GNAO1: variants seen among roughly 807,000 people sequenced by gnomAD.
The protein encoded by GNAO1 is G protein subunit alpha o1.
For missense variants in GNAO1, 166 were observed against 478.7 expected, an observed-to-expected ratio of 0.35 and a Z score of 6.10; for synonymous variants, 164 against 180.7, an observed-to-expected ratio of 0.91 and a Z score of 0.74.
chr16:56,347,704 G>A lies in GNAO1; in HGVS notation c.724-3680G>A, dbSNP rs538749385. 5.8e-4 allele frequency: 572 copies of A among 985,844 alleles called. 1 individual carries two copies. In the African/African-American group the frequency reaches 9.4e-3, roughly 16 times the overall value. 61.1% of individuals were successfully genotyped at this position (985,844 alleles called of 1,614,324 possible). A position where few individuals can be genotyped will look rare whatever the true frequency, so the allele number is the denominator to read the frequency against. On this transcript the variant is annotated intron_variant, in intron 6 of 8. Coordinates refer to ENST00000262493, the MANE Select transcript of GNAO1 (RefSeq NM_020988.3). Reference sequence around the variant, plus strand: ...CAGAGACCCACCGCCCTTCCTGGCAGAGCACCACTTCCTGGCAGTGCAGCT... The same window carrying A: ...CAGAGACCCACCGCCCTTCCTGGCAAAGCACCACTTCCTGGCAGTGCAGCT...
Position 56,275,925 on chromosome 16 carries a change from C to T in GNAO1, c.162-6C>T, listed in dbSNP as rs2037057501. 3 of 1,611,146 alleles carry T rather than the reference C, an allele frequency of 1.9e-6. No individual in the cohort carries two copies. Among genetic ancestry groups the T allele is most frequent in the Admixed American group, 1.7e-5 (1 of 59,776 alleles). On this transcript the variant is annotated splice_polypyrimidine_tract_variant and splice_region_variant and intron_variant, in intron 2 of 8. Coordinates refer to ENST00000262493, the MANE Select transcript of GNAO1 (RefSeq NM_020988.3). ...ATCAGGTGTGGTGTGTGTGGTTTTT[C>T]TCTAGGATCATCCATGAAGATGGCT...
In GNAO1 at chr16:56,311,315, A is replaced by G. The variant is rs2037456330; in HGVS notation, c.304-17316A>G. ...CCTGTAGTTTCAGAGAGTGAGTGCC[A>G]ACCTGAGCTGGTTCCCCCTGCCCCC... On this transcript the variant is annotated intron_variant, in intron 3 of 8. Coordinates refer to ENST00000262493, the MANE Select transcript of GNAO1 (RefSeq NM_020988.3). This position sits in a 1 kb window ranked among gnomAD's most constrained non-coding sequence, Gnocchi z 5.2. Among the ~76,000 whole-genome samples, 1 of 152,004 alleles carries G rather than the reference A, an allele frequency of 6.6e-6. No homozygotes were observed.
At chr16:56,345,439 CCA>C in intron 6 of GNAO1, 1 of 985,776 alleles carries the variant, frequency 1.0e-6, no homozygotes, top group Non-Finnish European at 1.2e-6. Context: ...CCGGACTGCC[CCA>C]GAGCCGGGAA....
At chr16:56,304,369 T>C (rs1348718209) in intron 3 of GNAO1, among the ~76,000 whole-genome samples, 5 of 152,260 alleles carry the variant, frequency 3.3e-5, no homozygotes, top group African/African-American at 1.2e-4. Flanking sequence ...ATATTGTTCA[T>C]CATTTATTCA....
chr16:56,355,175 G>T (rs2037956561), intron 8 of GNAO1, 94 bp downstream of exon 8: 2 of 406,568 alleles, frequency 4.9e-6, no homozygotes, highest in African/African-American at 2.2e-5. Context: ...ATGCAAGTTG[G>T]TAAATAAACT....
At chr16:56,253,243 A>G (rs1001807958) in intron 2 of GNAO1, among the ~76,000 whole-genome samples, 2 of 151,480 alleles carry the variant, frequency 1.3e-5, no homozygotes, top group Admixed American at 1.3e-4. Context: ...CCTCCATCTC[A>G]CCCGCAACAG....
chr16:56,323,949 A>G (rs2037603009), intron 3 of GNAO1, among the ~76,000 whole-genome samples: 1 of 152,178 alleles, frequency 6.6e-6, no homozygotes, highest in Admixed American at 6.5e-5. Flanking sequence ...GGACTCAGTG[A>G]AATCAAGCAG....
At chr16:56,327,336 G>A (rs1228609342) in intron 3 of GNAO1, among the ~76,000 whole-genome samples, 2 of 152,078 alleles carry the variant, frequency 1.3e-5, no homozygotes, top group Admixed American at 6.5e-5. Flanking sequence ...GGGCCACGGC[G>A]AGTCCTGTGC....
chr16:56,351,019 G>A lies in GNAO1; in HGVS notation c.724-365G>A, dbSNP rs12325252. ...CGAACACACACAGGCACACATAACAGGTGCATGCACACACACACAGGCACA... is the reference window on the plus strand; with the variant it reads ...CGAACACACACAGGCACACATAACAAGTGCATGCACACACACACAGGCACA... On this transcript the variant is annotated intron_variant, in intron 6 of 8. Coordinates refer to ENST00000262493, the MANE Select transcript of GNAO1 (RefSeq NM_020988.3). The surrounding 1 kb of genome is among the most constrained non-coding windows in gnomAD (Gnocchi z 6.1). Among the ~76,000 whole-genome samples the A allele has an allele frequency of 0.061, 9,294 of 151,496 alleles. 401 individuals are homozygous for A. Among genetic ancestry groups the A allele is most frequent in the East Asian group, 0.13 (681 of 5,154 alleles).
At position 56,197,004 on chromosome 16, in the gene GNAO1, A is replaced by G. The variant is rs78607551; in HGVS notation, c.161+4388A>G. 2.6e-3 allele frequency among the ~76,000 whole-genome samples: 390 copies of G among 152,306 alleles called. 1 individual carries two copies. Among genetic ancestry groups the G allele is most frequent in the South Asian group, 0.013 (63 of 4,818 alleles). On this transcript the variant is annotated intron_variant, in intron 2 of 8. Transcript: ENST00000262493. ...CTGACCCTGACTTTGTAATTAGGGT[A>G]TCTACTGTTTGGTATGGGTTCAGGG...
intron 6 of GNAO1, among the ~76,000 whole-genome samples, chr16:56,338,587 A>G (rs1031390980): frequency 1.3e-5 from 2 of 152,222 alleles, no homozygotes; most frequent in Non-Finnish European, 2.9e-5. Context: ...AGAGCAAAGG[A>G]GCTAGAAGCA....
At chr16:56,318,949 C>T (rs2037542669) in intron 3 of GNAO1, among the ~76,000 whole-genome samples, 1 of 152,156 alleles carries the variant, frequency 6.6e-6, no homozygotes. Context: ...GTTCAGTGTT[C>T]TGTCCAAGGT....
intron 2 of GNAO1, among the ~76,000 whole-genome samples, chr16:56,201,437 C>T (rs1388433445): frequency 6.6e-6 from 1 of 152,110 alleles, no homozygotes; most frequent in Non-Finnish European, 1.5e-5. Context: ...TGGACAGAAA[C>T]CAGATCATGA....
chr16:56,258,154 C>T (rs2036870200), intron 2 of GNAO1, among the ~76,000 whole-genome samples: 1 of 152,222 alleles, frequency 6.6e-6, no homozygotes, highest in African/African-American at 2.4e-5. Context: ...CAGCCAATCA[C>T]TCTGATTCTT....
chr16:56,305,395 G>A (rs1434321715), intron 3 of GNAO1, among the ~76,000 whole-genome samples: 1 of 152,152 alleles, frequency 6.6e-6, no homozygotes, highest in Non-Finnish European at 1.5e-5. Flanking sequence ...AAAAACTTTT[G>A]CTTTAGATTG....
intron 3 of GNAO1, among the ~76,000 whole-genome samples, chr16:56,295,040 A>G (rs2037272116): frequency 6.6e-6 from 1 of 152,052 alleles, no homozygotes; most frequent in Non-Finnish European, 1.5e-5. Flanking sequence ...GTACTATTTC[A>G]TATTTTCTCC....
At chr16:56,269,194 G>T (rs1348449317) in intron 2 of GNAO1, among the ~76,000 whole-genome samples, 1 of 152,200 alleles carries the variant, frequency 6.6e-6, no homozygotes, top group Admixed American at 6.5e-5. Flanking sequence ...TGTTCATTTG[G>T]TAAATGGTAA....
intron 2 of GNAO1, among the ~76,000 whole-genome samples, chr16:56,258,131 C>A (rs12448100): frequency 0.25 from 38,187 of 152,182 alleles, 5,248 homozygotes; most frequent in Middle Eastern, 0.36. Context: ...ACCTCTGCTA[C>A]GTGACTGCAG....
intron 2 of GNAO1, among the ~76,000 whole-genome samples, chr16:56,247,063 C>T (rs752140466): frequency 6.6e-6 from 1 of 152,212 alleles, no homozygotes; most frequent in Non-Finnish European, 1.5e-5. Flanking sequence ...TCCTCTTCTC[C>T]CCGCAGTCTA....
Sources: gnomAD v4.1 joint callset for allele counts (sites outside exome capture counted in the v4.1 genomes callset) on GRCh38, gnomAD v4.1.1 for gene constraint, Gnocchi (gnomAD v3.1) non-coding constraint, MANE v1.5 for transcripts, NCBI Gene and HGNC (gene_info 2026-07-23, HGNC 2026-07-21) for gene names.